Variants in SLITRK2 observed in about 807,000 individuals in gnomAD.
SLITRK2 encodes SLIT and NTRK-like protein 2.
A neutral mutation model predicts 35.4 loss-of-function variants in SLITRK2; 13 were observed. The observed-to-expected ratio is 0.37, with a 90% CI of 0.24 to 0.58. The LOEUF is 0.58. Among genes scored for constraint, SLITRK2 ranks in the 20% least tolerant of loss-of-function variants. The pLI, the probability that SLITRK2 is intolerant of heterozygous loss-of-function variation, is 0.75. For synonymous variants in SLITRK2, 294 were observed against 264.7 expected (o/e 1.11, Z -1.07); for missense variants, 471 against 634.3 (o/e 0.74, Z 2.76).
chrX:145,822,458 A>C lies in SLITRK2; in HGVS notation c.33A>C (p.Leu11Phe), dbSNP rs2124146588. 8.3e-7 allele frequency: 1 copy of C among 1,208,260 alleles called. No homozygotes were observed. The highest frequency in any genetic ancestry group is 1.8e-5 in the African/African-American group (1 of 56,984). Residue 11 changes from leucine (L) to phenylalanine (F), a missense_variant, in exon 5 of 5, where the codon TTA becomes TTC. Leu to Phe is a conservative substitution (Grantham distance 22). Transcript: ENST00000335565. ...GCGGCGTTTGGTTCCTCAGTGTGTT[A>C]ACCGTGGCCGGGATCTTACAGACAG... MLSGVWFLSV[L>F]TVAGILQTES...
chrX:145,827,605 G>A lies in SLITRK2; in HGVS notation c.*2642G>A. 1.1e-6 allele frequency: 1 copy of A among 932,141 alleles called. No individual in the cohort carries two copies. Among genetic ancestry groups the A allele is most frequent in the Non-Finnish European group, 1.4e-6 (1 of 699,143 alleles). 76.8% of individuals were successfully genotyped at this position (932,141 alleles called of 1,213,427 possible). On this transcript the variant is annotated 3_prime_UTR_variant, in exon 5 of 5. Coordinates refer to ENST00000335565, the MANE Select transcript of SLITRK2 (RefSeq NM_032539.5). ...TAAACTCTGTTGCCTAATAATTATG[G>A]TTTAATTCTATATCCTCTTGCTTGT...
At position 145,822,999 on chromosome X, in the gene SLITRK2, A is replaced by C; in HGVS notation, c.574A>C (p.Arg192=). ...GACCCACTTAGACCTCAGGGGGAAT[A>C]GGCTAAAAGTAATGCCTTTTGCTGG... The part of the protein sequence containing the change: ...LLTHLDLRGN[R]LKVMPFAGVL... The change falls in exon 5 of 5, where the codon AGG becomes CGG. Residue 192 remains arginine, a synonymous_variant. Coordinates refer to ENST00000335565, the MANE Select transcript of SLITRK2 (RefSeq NM_032539.5). 1 of 1,211,715 alleles carries C rather than the reference A, an allele frequency of 8.3e-7. No individual in the cohort carries two copies. Among genetic ancestry groups the C allele is most frequent in the Non-Finnish European group, 1.1e-6 (1 of 895,416 alleles).
At position 145,823,279 on chromosome X, in the gene SLITRK2, T is replaced by A. The variant is rs1556944223; in HGVS notation, c.854T>A (p.Leu285Gln). ...CATGCTGACACCCACGTCCAAAGGC[T>A]GTCACCTACAATGAATCCTGCTCTC... Reference protein sequence around the residue: ...GSHADTHVQRLSPTMNPALNP... With the variant: ...GSHADTHVQRQSPTMNPALNP... The change falls in exon 5 of 5, where the codon CTG becomes CAG. Residue 285 changes from leucine (L) to glutamine (Q), a missense_variant. Leu to Gln is a moderately radical substitution (Grantham distance 113). Around this residue, in one of 7 missense-constraint regions of SLITRK2, gnomAD observed 56 missense variants for 48.7 expected, o/e 1.15. Transcript: ENST00000335565. 2.5e-6 allele frequency: 3 copies of A among 1,209,835 alleles called. No homozygotes were observed. Among genetic ancestry groups the A allele is most frequent in the African/African-American group, 1.8e-5 (1 of 57,124 alleles).
chrX:145,823,264 C>G lies in SLITRK2; in HGVS notation c.839C>G (p.Thr280Ser), dbSNP rs781891605. The G allele has an allele frequency of 8.3e-7, 1 of 1,209,817 alleles. No homozygotes were observed. The change falls in exon 5 of 5, where the codon ACC becomes AGC. Residue 280 changes from threonine (T) to serine (S), a missense_variant. By Grantham distance (58) the Thr-to-Ser change is moderately conservative (BLOSUM62 1). This residue lies in a region of SLITRK2 where 56 missense variants were observed against 48.7 expected (regional missense o/e 1.15). Transcript: ENST00000335565. ...AGTCAGAGGGGCAGCCATGCTGACA[C>G]CCACGTCCAAAGGCTGTCACCTACA... is the stretch of plus-strand genomic sequence containing the variant. ...DSSQRGSHAD[T>S]HVQRLSPTMN...
chrX:145,825,938 G>A lies in SLITRK2; in HGVS notation c.*975G>A, dbSNP rs998367997. On this transcript the variant is annotated 3_prime_UTR_variant, in exon 5 of 5. Transcript: ENST00000335565. ...AGATTATTTTCCTAATTAAAAGAAC[G>A]TGACACAGCTAGTAATATATTTTTC... The A allele has an allele frequency of 8.5e-5, 10 of 117,562 alleles. No homozygotes were observed. The highest frequency in any genetic ancestry group is 2.8e-4 in the East Asian group (1 of 3,565). 9.7% of individuals were successfully genotyped at this position (117,562 alleles called of 1,213,427 possible). A position where few individuals can be genotyped will look rare whatever the true frequency, so the allele number is the denominator to read the frequency against.
chrX:145,824,972 C>T lies in SLITRK2; in HGVS notation c.*9C>T. 8.3e-7 allele frequency: 1 copy of T among 1,200,184 alleles called. No individual in the cohort carries two copies. The highest frequency in any genetic ancestry group is 1.1e-6 in the Non-Finnish European group (1 of 890,523). ...CAATCAGTCAGCTGTGAAGGGAAAT[C>T]ATTTACAACCCTAAGGCATCAGAGG... On this transcript the variant is annotated 3_prime_UTR_variant, in exon 5 of 5. Transcript: ENST00000335565.
Position 145,826,768 on chromosome X carries a change from C to A in SLITRK2, c.*1805C>A, listed in dbSNP as rs1439344792. On this transcript the variant is annotated 3_prime_UTR_variant, in exon 5 of 5. Transcript: ENST00000335565. ...ACTGCACATAATAATCCTTTATCGT[C>A]ATGTGGAGATTGAAGTGGATACTGA... The A allele has an allele frequency of 1.8e-5, 2 of 111,834 alleles. No individual in the cohort carries two copies. The highest frequency in any genetic ancestry group is 6.5e-5 in the African/African-American group (2 of 30,786). 9.2% of individuals were successfully genotyped at this position (111,834 alleles called of 1,213,427 possible).
Position 145,822,205 on chromosome X carries a change from G to C in SLITRK2, c.-44+52G>C, listed in dbSNP as rs2073032334. The C allele has an allele frequency of 1.0e-5, 4 of 398,163 alleles. No homozygotes were observed. The East Asian group carries it at 1.7e-4, about 16-fold the overall frequency. The allele number at this position is 398,163 out of a possible 1,213,427, so 32.8% of individuals were successfully genotyped here. On this transcript the variant is annotated intron_variant, in intron 4 of 4. Coordinates refer to ENST00000335565, the MANE Select transcript of SLITRK2 (RefSeq NM_032539.5). ...CGTGTGTGGGTGGCCTCGGGATGGG[G>C]GAATAGGGAGCGGAGAAAAGAAACC...
rs782413822 is a variant in SLITRK2 at position 145,823,196 on chromosome X, G to C, written c.771G>C (p.Leu257=). ...TGCATGGGAAAGACGTGACCCAGCT[G>C]ACCAGGCAAGACCTCTGTCCCAGAA... ...FRLHGKDVTQ[L]TRQDLCPRKS... Residue 257 remains leucine (L), a synonymous_variant, in exon 5 of 5, where the codon CTG becomes CTC. Transcript: ENST00000335565. 1 of 1,211,290 alleles carries C rather than the reference G, an allele frequency of 8.3e-7. No homozygotes were observed. The highest frequency in any genetic ancestry group is 1.1e-6 in the Non-Finnish European group (1 of 895,341).
rs1282057497 is a variant in SLITRK2 at position 145,821,986 on chromosome X, T to A, written c.-192-19T>A. 2 of 106,822 alleles carry A rather than the reference T, an allele frequency of 1.9e-5. No individual in the cohort carries two copies. Among genetic ancestry groups the A allele is most frequent in the African/African-American group, 7.1e-5 (2 of 28,055 alleles). The allele number at this position is 106,822 out of a possible 1,213,427, so 8.8% of individuals were successfully genotyped here. A position where few individuals can be genotyped will look rare whatever the true frequency, so the allele number is the denominator to read the frequency against. On this transcript the variant is annotated intron_variant, in intron 3 of 4. Transcript: ENST00000335565. The stretch of plus-strand genomic sequence containing the variant: ...GATTTTCCCACCCCCTTTTTGCGCT[T>A]TTTTTTTTTTTCCTAAAGCGATTGC...
intron 1 of SLITRK2, chrX:145,819,928 T>A (rs1298675351): frequency 8.9e-6 from 1 of 111,765 alleles, no homozygotes; most frequent in Non-Finnish European, 1.9e-5. Flanking sequence ...AATGCACAGA[T>A]CACCAGCTAC....
rs1013592174 is a variant in SLITRK2 at position 145,821,651 on chromosome X, A to T, written c.-426A>T. 9.1e-6 allele frequency: 1 copy of T among 110,131 alleles called. No individual in the cohort carries two copies. The highest frequency in any genetic ancestry group is 1.9e-5 in the Non-Finnish European group (1 of 52,631). 9.1% of individuals were successfully genotyped at this position (110,131 alleles called of 1,213,427 possible). On this transcript the variant is annotated 5_prime_UTR_variant, in exon 3 of 5. Coordinates refer to ENST00000335565, the MANE Select transcript of SLITRK2 (RefSeq NM_032539.5). ...CTCTCCGACCTCCCTACAGAATCGC[A>T]CCCCAGTCCCTCCCTGGCAGCTCGG...
chrX:145,823,026 G>A lies in SLITRK2; in HGVS notation c.601G>A (p.Val201Ile), dbSNP rs147268716. The change falls in exon 5 of 5, where the codon GTC becomes ATC. Residue 201 changes from valine to isoleucine, a missense_variant. Physicochemically the swap from Val to Ile is conservative, Grantham distance 29 (BLOSUM62 3). Around this residue, in one of 7 missense-constraint regions of SLITRK2, gnomAD observed 15 missense variants for 45.7 expected, o/e 0.33. Transcript: ENST00000335565. The stretch of plus-strand genomic sequence containing the variant: ...GCTAAAAGTAATGCCTTTTGCTGGC[G>A]TCCTTGAACATATTGGAGGGATCAT... ...NRLKVMPFAG[V>I]LEHIGGIMEI... 941 of 1,209,541 alleles carry A rather than the reference G, an allele frequency of 7.8e-4. 3 individuals are homozygous for A. Among genetic ancestry groups the A allele is most frequent in the Non-Finnish European group, 1.0e-3 (919 of 895,143 alleles).
rs2073125101 is a variant in SLITRK2 at position 145,826,174 on chromosome X, G to A, written c.*1211G>A. 1 of 111,507 alleles carries A rather than the reference G, an allele frequency of 9.0e-6. No individual in the cohort carries two copies. The highest frequency in any genetic ancestry group is 3.3e-5 in the African/African-American group (1 of 30,689). 9.2% of individuals were successfully genotyped at this position (111,507 alleles called of 1,213,427 possible). On this transcript the variant is annotated 3_prime_UTR_variant, in exon 5 of 5. Coordinates refer to ENST00000335565, the MANE Select transcript of SLITRK2 (RefSeq NM_032539.5). ...GGTGAGATTAAAACTTCCCAAGTAA[G>A]TTCTCTGCAAAATTCAAGGTAGCAG...
rs782698727 is a variant in SLITRK2, at chrX:145,823,742, C to T, written c.1317C>T (p.Tyr439=). 1.7e-6 allele frequency: 2 copies of T among 1,209,951 alleles called. No homozygotes were observed. Among genetic ancestry groups the T allele is most frequent in the South Asian group, 3.5e-5 (2 of 56,779 alleles). ...YLNGNYLEVL[Y]PSMFDGLQSL... ...ATGGCAATTACCTTGAAGTGCTGTA[C>T]CCTTCTATGTTTGATGGACTGCAGA... Residue 439 remains tyrosine, a synonymous_variant, in exon 5 of 5, where the codon TAC becomes TAT. Transcript: ENST00000335565.
rs782093555 is a variant in SLITRK2, at chrX:145,823,008, G to A, written c.583G>A (p.Val195Ile). The A allele has an allele frequency of 5.0e-6, 6 of 1,211,861 alleles. No individual in the cohort carries two copies. In the South Asian group the frequency reaches 1.1e-4, roughly 21 times the overall value. The change falls in exon 5 of 5, where the codon GTA (valine) becomes ATA (isoleucine). Residue 195 changes from valine (V) to isoleucine (I), a missense_variant. Val to Ile is a conservative substitution (Grantham distance 29). This residue lies in a region of SLITRK2 where 15 missense variants were observed against 45.7 expected (regional missense o/e 0.33). Coordinates refer to ENST00000335565, the MANE Select transcript of SLITRK2 (RefSeq NM_032539.5). Reference sequence around the variant, plus strand: ...AGACCTCAGGGGGAATAGGCTAAAAGTAATGCCTTTTGCTGGCGTCCTTGA... The same window carrying A: ...AGACCTCAGGGGGAATAGGCTAAAAATAATGCCTTTTGCTGGCGTCCTTGA... ...HLDLRGNRLK[V>I]MPFAGVLEHI...
In SLITRK2 at chrX:145,823,956, G is replaced by A. The variant is rs1357978246; in HGVS notation, c.1531G>A (p.Val511Met). Residue 511 changes from valine (V) to methionine (M), a missense_variant, in exon 5 of 5, where the codon GTG (valine) becomes ATG (methionine). Physicochemically the swap from Val to Met is conservative, Grantham distance 21 (BLOSUM62 1). Transcript: ENST00000335565. ...LRNNHFSHLP[V>M]KGVLDQLPAF... ...AAACAACCATTTTTCTCACCTGCCC[G>A]TGAAAGGGGTTCTGGATCAGCTCCC... The A allele has an allele frequency of 3.3e-6, 4 of 1,209,490 alleles. No homozygotes were observed. Among genetic ancestry groups the A allele is most frequent in the South Asian group, 1.8e-5 (1 of 56,703 alleles).
rs5904151 is a variant in SLITRK2 at position 145,825,169 on chromosome X, C to CTTTTTTTTTTTTTTTTTTTTTT, written c.*207_*228dup. On this transcript the variant is annotated 3_prime_UTR_variant, in exon 5 of 5. Coordinates refer to ENST00000335565, the MANE Select transcript of SLITRK2 (RefSeq NM_032539.5). ...ATTTCTCTCTCGCTCTCCTCCCCTC[C>CTTTTTTTTTTTTTTTTTTTTTT]TTTTTTTTTTTTTTTTTTTTTTCTT... 1.2e-5 allele frequency: 2 copies of CTTTTTTTTTTTTTTTTTTTTTT among 162,322 alleles called. No individual in the cohort carries two copies. 13.4% of individuals were successfully genotyped at this position (162,322 alleles called of 1,213,427 possible).
chrX:145,819,443 T>C (rs1039567527), intron 1 of SLITRK2: 2 of 111,974 alleles, frequency 1.8e-5, no homozygotes, highest in African/African-American at 6.5e-5. Flanking sequence ...GTCAGCACTT[T>C]CCCTGGTTAA....
Sources: allele counts gnomAD v4.1 joint callset, GRCh38; gene constraint gnomAD v4.1.1; regional missense constraint gnomAD v4.1.1; transcripts MANE v1.5; gene names NCBI Gene and HGNC (gene_info 2026-07-23, HGNC 2026-07-21).